Variants in MBD5 observed in about 807,000 individuals in gnomAD.
MBD5 encodes the protein methyl-CpG binding domain protein 5, also known as methyl-CpG-binding domain protein 5.
In MBD5, 13 loss-of-function variants were observed where a neutral mutation model predicts 117.3. The ratio of observed to expected loss-of-function variants is 0.11; its 90% CI spans 0.07 to 0.18. The LOEUF is 0.18. Ranked by LOEUF, MBD5 falls within the 10% of genes least tolerant of loss-of-function variation. MBD5 has a pLI of 1.00. For missense variants in MBD5, 1,879 were observed against 2,093.8 expected (o/e 0.90, Z 2.00); for synonymous variants, 727 against 766.4 (o/e 0.95, Z 0.85).
intron 8 of MBD5, among the ~76,000 whole-genome samples, chr2:148,477,521 C>G (rs1681007665): frequency 6.6e-6 from 1 of 151,954 alleles, no homozygotes; most frequent in Non-Finnish European, 1.5e-5. Flanking sequence ...ACCATTCCCT[C>G]TTACTAAAAC....
intron 2 of MBD5, among the ~76,000 whole-genome samples, chr2:148,184,023 A>T (rs1574106193): frequency 7.1e-6 from 1 of 140,956 alleles, no homozygotes; most frequent in African/African-American, 2.6e-5. Context: ...ATCCTTCTTA[A>T]TTTTTTTTTT....
chr2:148,210,232 C>A (rs1194984118), intron 2 of MBD5, among the ~76,000 whole-genome samples: 2 of 152,136 alleles, frequency 1.3e-5, no homozygotes, highest in African/African-American at 2.4e-5. Flanking sequence ...ATAAGACTTA[C>A]AGGCTGATTT....
chr2:148,427,704 G>A (rs1705846319), intron 4 of MBD5, among the ~76,000 whole-genome samples: 1 of 152,036 alleles, frequency 6.6e-6, no homozygotes, highest in East Asian at 1.9e-4. Context: ...AAGAGTTAAT[G>A]GGTGCAGCAC....
chr2:148,144,671 G>T, intron 1 of MBD5, among the ~76,000 whole-genome samples: 1 of 152,162 alleles, frequency 6.6e-6, no homozygotes, highest in East Asian at 1.9e-4. Context: ...CATATGGCTA[G>T]CTACTTTTCC....
At chr2:148,257,869 A>C (rs1391175922) in intron 3 of MBD5, among the ~76,000 whole-genome samples, 1 of 152,170 alleles carries the variant, frequency 6.6e-6, no homozygotes, top group Non-Finnish European at 1.5e-5. Context: ...GTACTGTCCC[A>C]CTTCCATCAT....
At chr2:148,441,792 G>A (rs1388253171) in intron 4 of MBD5, among the ~76,000 whole-genome samples, 4 of 151,544 alleles carry the variant, frequency 2.6e-5, no homozygotes, top group East Asian at 1.9e-4. Flanking sequence ...TTTAATGATC[G>A]CCATTCTAAC....
At chr2:148,204,115 G>T (rs953952164) in intron 2 of MBD5, among the ~76,000 whole-genome samples, 4 of 152,130 alleles carry the variant, frequency 2.6e-5, no homozygotes, top group African/African-American at 9.7e-5. Context: ...AATCACCTTT[G>T]TTGGAAAAAC....
At position 148,468,698 on chromosome 2, in the gene MBD5, G is replaced by A. The variant is rs1680677784; in HGVS notation, c.755G>A (p.Arg252Lys). 1 of 1,613,924 alleles carries A rather than the reference G, an allele frequency of 6.2e-7. No individual in the cohort carries two copies. Among genetic ancestry groups the A allele is most frequent in the Non-Finnish European group, 8.5e-7 (1 of 1,179,890 alleles). The change falls in exon 8 of 14, where the codon AGA becomes AAA. Residue 252 changes from arginine (R) to lysine (K), a missense_variant. Physicochemically the swap from Arg to Lys is conservative, Grantham distance 26. Around this residue, in one of 4 missense-constraint regions of MBD5, gnomAD observed 1,666 missense variants for 1,792.2 expected, o/e 0.93. Transcript: ENST00000642680. ...DPLGSPDVFT[R>K]SNPGFHGAPN... ...CTTGGAAGTCCTGATGTTTTCACAA[G>A]AAGTAATCCTGGTTTTCATGGAGCT... is the stretch of plus-strand genomic sequence containing the variant.
intron 2 of MBD5, among the ~76,000 whole-genome samples, chr2:148,230,352 G>A (rs969164726): frequency 1.3e-5 from 2 of 152,168 alleles, no homozygotes; most frequent in African/African-American, 4.8e-5. Flanking sequence ...TCCACAGGGA[G>A]TGCTGTACCA....
At chr2:148,423,286 T>G (rs575791707) in intron 4 of MBD5, among the ~76,000 whole-genome samples, 6 of 152,098 alleles carry the variant, frequency 3.9e-5, no homozygotes, top group Non-Finnish European at 8.8e-5. Context: ...TAAAGCATTC[T>G]TAAAGAAAAG....
At chr2:148,170,154 C>T (rs1486309896) in intron 1 of MBD5, among the ~76,000 whole-genome samples, 2 of 152,232 alleles carry the variant, frequency 1.3e-5, no homozygotes, top group African/African-American at 4.8e-5. Context: ...GTCTCGGCTT[C>T]CCAAAGTGCT....
At chr2:148,141,092 C>T (rs570315388) in intron 1 of MBD5, among the ~76,000 whole-genome samples, 1 of 152,218 alleles carries the variant, frequency 6.6e-6, no homozygotes, top group Non-Finnish European at 1.5e-5. Context: ...TTTAAATTGA[C>T]AAATTTAAAA....
At chr2:148,439,506 T>G (rs553021456) in intron 4 of MBD5, among the ~76,000 whole-genome samples, 2 of 152,300 alleles carry the variant, frequency 1.3e-5, no homozygotes, top group South Asian at 4.1e-4. Context: ...TTATAGTCCC[T>G]CAGTTTTGAA....
At chr2:148,241,671 A>G (rs2106195388) in intron 3 of MBD5, among the ~76,000 whole-genome samples, 2 of 152,244 alleles carry the variant, frequency 1.3e-5, no homozygotes, top group South Asian at 4.2e-4. Flanking sequence ...ACTTCAAGCA[A>G]GTAAGACTGT....
chr2:148,101,942 T>C (rs887837198), intron 1 of MBD5, among the ~76,000 whole-genome samples: 2 of 152,202 alleles, frequency 1.3e-5, no homozygotes, highest in South Asian at 2.1e-4. Flanking sequence ...GGCTGAACAA[T>C]TTGAATGTCA....
intron 2 of MBD5, among the ~76,000 whole-genome samples, chr2:148,229,493 T>C (rs1574165085): frequency 6.6e-6 from 1 of 152,200 alleles, no homozygotes; most frequent in African/African-American, 2.4e-5. Flanking sequence ...AATTGGTCCC[T>C]GGTGCCTTAT....
chr2:148,151,254 G>T (rs1574070219), intron 1 of MBD5, among the ~76,000 whole-genome samples: 1 of 151,876 alleles, frequency 6.6e-6, no homozygotes, highest in African/African-American at 2.4e-5. Context: ...TTATTGATTT[G>T]CATATATTGA....
chr2:148,234,105 T>C lies in MBD5; in HGVS notation c.-680+710T>C, dbSNP rs547152366. Among the ~76,000 whole-genome samples the C allele has an allele frequency of 3.0e-4, 45 of 152,212 alleles. 1 individual carries two copies. Among genetic ancestry groups the C allele is most frequent in the South Asian group, 2.1e-3 (10 of 4,816 alleles). ...AATTGACCATATATATTTTTAAGTGTATAAGGAATCTGGCTTTTTTTCTAC... is the reference window on the plus strand; with the variant it reads ...AATTGACCATATATATTTTTAAGTGCATAAGGAATCTGGCTTTTTTTCTAC... On this transcript the variant is annotated intron_variant, in intron 3 of 13. Transcript: ENST00000642680.
chr2:148,184,510 A>G (rs1262543982), intron 2 of MBD5, among the ~76,000 whole-genome samples: 2 of 152,046 alleles, frequency 1.3e-5, no homozygotes, highest in Non-Finnish European at 2.9e-5. Flanking sequence ...TTTGTACCTA[A>G]TATTTCTGCG....
Sources: gnomAD v4.1 joint callset for allele counts (sites outside exome capture counted in the v4.1 genomes callset) on GRCh38, gnomAD v4.1.1 for gene constraint, gnomAD v4.1.1 regional missense constraint, MANE v1.5 for transcripts, NCBI Gene and HGNC (gene_info 2026-07-23, HGNC 2026-07-21) for gene names.